Variants in PKNOX1 observed in about 807,000 individuals in gnomAD.
PKNOX1 encodes the protein homeobox protein PKNOX1.
PKNOX1 carries 15 observed loss-of-function variants against 51.9 expected under a neutral mutation model. The ratio of observed to expected loss-of-function variants is 0.29; its 90% CI spans 0.19 to 0.45. The LOEUF (loss-of-function observed/expected upper bound fraction) is 0.45. PKNOX1 is among the 20% of genes least tolerant of loss of function. The pLI, the probability that PKNOX1 is intolerant of heterozygous loss-of-function variation, is 1.00. For synonymous variants in PKNOX1, 219 were observed against 211.1 expected (o/e 1.04, Z -0.32); for missense variants, 462 against 547.5 (o/e 0.84, Z 1.56).
intron 10 of PKNOX1, 134 bp from the exon 11 acceptor site, chr21:43,029,756 T>A (rs1980165220): frequency 1.3e-6 from 1 of 795,880 alleles, no homozygotes; most frequent in Admixed American, 2.3e-5. Context: ...AAATCCCTGT[T>A]GAACATTCCC....
chr21:42,986,671 A>G (rs1183741215), intron 1 of PKNOX1, among the ~76,000 whole-genome samples: 1 of 152,186 alleles, frequency 6.6e-6, no homozygotes, highest in East Asian at 1.9e-4. Flanking sequence ...ACACAAAATG[A>G]AAGCTCACTT....
chr21:43,031,378 A>G lies in PKNOX1; in HGVS notation c.*1277A>G, dbSNP rs950895552. On this transcript the variant is annotated 3_prime_UTR_variant, in exon 11 of 11. Coordinates refer to ENST00000291547, the MANE Select transcript of PKNOX1 (RefSeq NM_004571.5). ...CGTTTGTGGCTGGTCTCCTGGTGTC[A>G]GTGTTCTCTTGTACGTTGTTGCTTT... The G allele has an allele frequency of 5.3e-5, 8 of 152,368 alleles. No homozygotes were observed. In the East Asian group the frequency reaches 1.3e-3, roughly 26 times the overall value. The allele number at this position is 152,368 out of a possible 1,614,324, so 9.4% of individuals were successfully genotyped here. A position where few individuals can be genotyped will look rare whatever the true frequency, so the allele number is the denominator to read the frequency against.
intron 1 of PKNOX1, among the ~76,000 whole-genome samples, chr21:42,996,765 G>A (rs1007660877): frequency 5.3e-5 from 8 of 152,088 alleles, no homozygotes; most frequent in Admixed American, 5.2e-4. Flanking sequence ...ATGGGGTCTC[G>A]TTCTGTTGCC....
At chr21:43,015,367 A>T (rs1302661172) in intron 5 of PKNOX1, among the ~76,000 whole-genome samples, 2 of 152,240 alleles carry the variant, frequency 1.3e-5, no homozygotes, top group African/African-American at 4.8e-5. Flanking sequence ...TAGCCTGTTA[A>T]TAATGGACAT....
intron 5 of PKNOX1, among the ~76,000 whole-genome samples, chr21:43,015,694 C>G (rs1293521809): frequency 6.6e-6 from 1 of 152,130 alleles, no homozygotes; most frequent in Admixed American, 6.5e-5. Context: ...ATCTATTTCA[C>G]CTAAGATGTT....
chr21:43,007,402 T>C, intron 2 of PKNOX1, 89 bp from the exon 3 acceptor site: 1 of 1,225,352 alleles, frequency 8.2e-7, no homozygotes, highest in Non-Finnish European at 1.2e-6. Context: ...GTCTGGCAAT[T>C]CCCCACTCCA....
chr21:42,995,539 A>C (rs960952349), intron 1 of PKNOX1, among the ~76,000 whole-genome samples: 1 of 151,982 alleles, frequency 6.6e-6, no homozygotes, highest in Non-Finnish European at 1.5e-5. Flanking sequence ...TTAGCCAGGT[A>C]TGGTGGCATG....
chr21:42,982,010 C>T (rs1483520332), intron 1 of PKNOX1, among the ~76,000 whole-genome samples: 1 of 152,226 alleles, frequency 6.6e-6, no homozygotes, highest in South Asian at 2.1e-4. Context: ...CCTCCACTGT[C>T]TGTTCCATCT....
intron 7 of PKNOX1, among the ~76,000 whole-genome samples, chr21:43,018,652 A>C (rs1445666477): frequency 1.3e-5 from 2 of 151,996 alleles, no homozygotes; most frequent in Non-Finnish European, 2.9e-5. Flanking sequence ...CAGACCAGTG[A>C]GCCTGGCCCA....
Position 42,992,329 on chromosome 21 carries a change from A to G in PKNOX1, c.-56-11997A>G, listed in dbSNP as rs540650642. Reference sequence around the variant, plus strand: ...AGAAATAGCAGGGCTTTGGAGCTGGACAGATTGAAGTCACCCAACCTCTGG... The same window carrying G: ...AGAAATAGCAGGGCTTTGGAGCTGGGCAGATTGAAGTCACCCAACCTCTGG... On this transcript the variant is annotated intron_variant, in intron 1 of 10. Transcript: ENST00000291547. 2.6e-5 allele frequency among the ~76,000 whole-genome samples: 4 copies of G among 152,312 alleles called. No homozygotes were observed. In the East Asian group the frequency reaches 7.7e-4, roughly 29 times the overall value.
At chr21:42,995,584 GT>G (rs1231881030) in intron 1 of PKNOX1, among the ~76,000 whole-genome samples, 1 of 152,196 alleles carries the variant, frequency 6.6e-6, no homozygotes, top group Non-Finnish European at 1.5e-5. Context: ...AGACTGAAGT[GT>G]GAGGATTGCT....
intron 1 of PKNOX1, among the ~76,000 whole-genome samples, chr21:42,988,581 C>T (rs1009517584): frequency 6.6e-6 from 1 of 152,272 alleles, no homozygotes; most frequent in South Asian, 2.1e-4. Context: ...GTGAGTAGTT[C>T]TAACAGCTGA....
At chr21:42,997,871 C>G (rs532927723) in intron 1 of PKNOX1, among the ~76,000 whole-genome samples, 1 of 151,950 alleles carries the variant, frequency 6.6e-6, no homozygotes, top group African/African-American at 2.4e-5. Context: ...CTAAATGTGG[C>G]GATTGGTTTG....
intron 4 of PKNOX1, among the ~76,000 whole-genome samples, chr21:43,011,330 A>G (rs1441797577): frequency 6.6e-6 from 1 of 151,902 alleles, no homozygotes; most frequent in Non-Finnish European, 1.5e-5. Flanking sequence ...CAGCCTCCCA[A>G]AGTGCAGGGA....
chr21:43,033,723 G>T lies in PKNOX1; in HGVS notation c.*3622G>T, dbSNP rs373775287. ...CATATTGAGAAACTAGGACCACACT[G>T]CATCGGACTAGTCAGGTCCATTTAC... On this transcript the variant is annotated 3_prime_UTR_variant, in exon 11 of 11. Coordinates refer to ENST00000291547, the MANE Select transcript of PKNOX1 (RefSeq NM_004571.5). 5.3e-5 allele frequency: 8 copies of T among 152,296 alleles called. No homozygotes were observed. In the South Asian group the frequency reaches 6.2e-4, roughly 12 times the overall value. 9.4% of individuals were successfully genotyped at this position (152,296 alleles called of 1,614,324 possible).
At chr21:42,999,272 C>T (rs1568894005) in intron 1 of PKNOX1, among the ~76,000 whole-genome samples, 1 of 152,212 alleles carries the variant, frequency 6.6e-6, no homozygotes, top group Non-Finnish European at 1.5e-5. Context: ...CCCTATGCTG[C>T]ACACAGAACA....
chr21:43,019,919 G>A (rs1014581169), intron 7 of PKNOX1, among the ~76,000 whole-genome samples: 2 of 139,768 alleles, frequency 1.4e-5, no homozygotes, highest in Non-Finnish European at 3.0e-5. Flanking sequence ...TTTTGCAGGT[G>A]CTCTGATTTT....
chr21:43,011,932 C>T lies in PKNOX1; in HGVS notation c.352-1136C>T, dbSNP rs952774401. ...AGTCTGTGGTCCACATCCATCTTCC[C>T]ATTGGCCCACACCTGGCTTGGCCCA... On this transcript the variant is annotated intron_variant, in intron 4 of 10. Transcript: ENST00000291547. Among the ~76,000 whole-genome samples the T allele has an allele frequency of 3.9e-5, 6 of 152,274 alleles. 1 individual carries two copies. Among genetic ancestry groups the T allele is most frequent in the African/African-American group, 1.4e-4 (6 of 41,564 alleles).
intron 1 of PKNOX1, among the ~76,000 whole-genome samples, chr21:42,978,776 A>C (rs983984421): frequency 2.0e-5 from 3 of 150,358 alleles, no homozygotes; most frequent in African/African-American, 7.3e-5. Context: ...GAGCCACCGC[A>C]CCCAGCCCTT....
Sources: allele counts gnomAD v4.1 joint callset (sites outside exome capture counted in the v4.1 genomes callset), GRCh38; gene constraint gnomAD v4.1.1; transcripts MANE v1.5; gene names NCBI Gene and HGNC (gene_info 2026-07-23, HGNC 2026-07-21).